Variants in NBR1 observed in about 807,000 individuals in gnomAD.
NBR1 encodes NBR1 autophagy cargo receptor, also known as next to BRCA1 gene 1 protein.
In NBR1, 59 loss-of-function variants were observed where a neutral mutation model predicts 115.5. The ratio of observed to expected loss-of-function variants is 0.51; its 90% CI spans 0.41 to 0.63. NBR1 has a LOEUF of 0.63. Ranked by LOEUF, NBR1 falls within the 30% of genes least tolerant of loss-of-function variation. The pLI, the probability that NBR1 is intolerant of heterozygous loss-of-function variation, is 0.00. For missense variants in NBR1, 1,043 were observed against 1,150.5 expected (o/e 0.91, Z 1.35); for synonymous variants, 373 against 414.7 (o/e 0.90, Z 1.22).
intron 5 of NBR1, among the ~76,000 whole-genome samples, chr17:43,184,850 G>A (rs1186242373): frequency 6.6e-6 from 1 of 151,910 alleles, no homozygotes; most frequent in Non-Finnish European, 1.5e-5. Flanking sequence ...CCAGCACTTT[G>A]GGAGGCTGAG....
At chr17:43,189,187 A>C in intron 7 of NBR1, 68 bp downstream of exon 7, 1 of 1,174,482 alleles carries the variant, frequency 8.5e-7, no homozygotes, top group East Asian at 2.3e-5. Context: ...AAGAAATAGA[A>C]AACTGAACCC....
chr17:43,184,962 G>A lies in NBR1; in HGVS notation c.208-1288G>A, dbSNP rs145729603. 6.0e-4 allele frequency among the ~76,000 whole-genome samples: 91 copies of A among 151,756 alleles called. 1 individual carries two copies. The highest frequency in any genetic ancestry group is 2.1e-3 in the African/African-American group (85 of 41,410). ...AAATTAGCTGGGTGTGGTGGCGTGC[G>A]CCTATAGTCCCAGCTACTCGGGAGG... On this transcript the variant is annotated intron_variant, in intron 5 of 20. Coordinates refer to ENST00000590996, the MANE Select transcript of NBR1 (RefSeq NM_005899.5).
upstream of NBR1, chr17:43,170,745 G>C (rs927526290): frequency 6.6e-6 from 1 of 152,234 alleles, no homozygotes; most frequent in African/African-American, 2.4e-5. Flanking sequence ...ATACCAAAGC[G>C]GGCACAATTC....
chr17:43,188,621 T>G (rs988248765), intron 6 of NBR1, among the ~76,000 whole-genome samples: 2 of 152,208 alleles, frequency 1.3e-5, no homozygotes, highest in Non-Finnish European at 2.9e-5. Flanking sequence ...TAATCCACCT[T>G]GAGTTAATTT....
chr17:43,210,774 A>C lies in NBR1; in HGVS notation c.*700A>C, dbSNP rs2057403190. On this transcript the variant is annotated 3_prime_UTR_variant, in exon 21 of 21. Transcript: ENST00000590996. ...CCTATTGAGCAATGTCTATTATAGT[A>C]ATTTTGCATACATTTTTATTTAAGG... 1 of 398,408 alleles carries C rather than the reference A, an allele frequency of 2.5e-6. No individual in the cohort carries two copies. The highest frequency in any genetic ancestry group is 4.4e-6 in the Non-Finnish European group (1 of 226,034). 24.7% of individuals were successfully genotyped at this position (398,408 alleles called of 1,614,324 possible).
rs1229026809 is a variant in NBR1 at position 43,186,245 on chromosome 17, C to T, written c.208-5C>T. 3 of 1,562,232 alleles carry T rather than the reference C, an allele frequency of 1.9e-6. No homozygotes were observed. The highest frequency in any genetic ancestry group is 2.6e-6 in the Non-Finnish European group (3 of 1,154,124). ...ATGTTTTTGTTTCATAATGTATGCTCTTAGATGGCAGTTAAACAGGGAAAC... is the reference window on the plus strand; with the variant it reads ...ATGTTTTTGTTTCATAATGTATGCTTTTAGATGGCAGTTAAACAGGGAAAC... On this transcript the variant is annotated splice_polypyrimidine_tract_variant and splice_region_variant and intron_variant, in intron 5 of 20. Coordinates refer to ENST00000590996, the MANE Select transcript of NBR1 (RefSeq NM_005899.5).
chr17:43,184,127 T>C (rs1295592651), intron 5 of NBR1, among the ~76,000 whole-genome samples: 1 of 152,070 alleles, frequency 6.6e-6, no homozygotes, highest in East Asian at 1.9e-4. Flanking sequence ...AGTGGTGTGA[T>C]TGCAGCCTTG....
At chr17:43,193,788 G>A in intron 12 of NBR1, 150 bp downstream of exon 12, 1 of 842,826 alleles carries the variant, frequency 1.2e-6, no homozygotes, top group Non-Finnish European at 1.8e-6. Flanking sequence ...TCTCTATGCT[G>A]ATATTTGGCC....
intron 20 of NBR1, among the ~76,000 whole-genome samples, chr17:43,209,012 A>G (rs2057367639): frequency 6.6e-6 from 1 of 152,064 alleles, no homozygotes; most frequent in African/African-American, 2.4e-5. Context: ...GCGTTTAAGG[A>G]TTTAGGAAGG....
chr17:43,201,569 A>G (rs2057197726), intron 17 of NBR1, 117 bp from the exon 18 acceptor site: 1 of 662,598 alleles, frequency 1.5e-6, no homozygotes, highest in Non-Finnish European at 2.7e-6. Context: ...TGTGATCTGG[A>G]TCAGAAATGT....
Position 43,203,785 on chromosome 17 carries a change from A to C in NBR1, c.2726A>C (p.Gln909Pro). The C allele has an allele frequency of 6.4e-7, 1 of 1,572,712 alleles. No homozygotes were observed. Among genetic ancestry groups the C allele is most frequent in the Non-Finnish European group, 8.7e-7 (1 of 1,153,230 alleles). The change falls in exon 20 of 21, where the codon CAG (glutamine) becomes CCG (proline). Residue 909 changes from glutamine (Q) to proline (P), a missense_variant and splice_region_variant. Transcript: ENST00000590996. ...TTTGCTGGGCCACCAGTCACTGCAC[A>C]GGTCAGTGTGTGTGTTTTATTTTCC... Reference protein sequence around the residue: ...ALFAGPPVTAQPIISEDQTAA... With the variant: ...ALFAGPPVTAPPIISEDQTAA...
At chr17:43,197,871 G>T (rs1322870731) in intron 16 of NBR1, among the ~76,000 whole-genome samples, 1 of 152,176 alleles carries the variant, frequency 6.6e-6, no homozygotes, top group Non-Finnish European at 1.5e-5. Context: ...ACCTTTATAG[G>T]CCGGGCACAG....
intron 1 of NBR1, among the ~76,000 whole-genome samples, chr17:43,173,453 A>G (rs574376536): frequency 1.3e-5 from 2 of 152,036 alleles, no homozygotes. Context: ...ACACGCAGCT[A>G]ATTTTTGTAT....
At position 43,210,193 on chromosome 17, in the gene NBR1, C is replaced by A; in HGVS notation, c.*119C>A. The A allele has an allele frequency of 2.2e-6, 2 of 888,954 alleles. No homozygotes were observed. Among genetic ancestry groups the A allele is most frequent in the Non-Finnish European group, 3.1e-6 (2 of 638,016 alleles). 55.1% of individuals were successfully genotyped at this position (888,954 alleles called of 1,614,324 possible). A position where few individuals can be genotyped will look rare whatever the true frequency, so the allele number is the denominator to read the frequency against. On this transcript the variant is annotated 3_prime_UTR_variant, in exon 21 of 21. Transcript: ENST00000590996. The stretch of plus-strand genomic sequence containing the variant: ...TCTGATGAATCTGTATAGAGCCCAT[C>A]GTTGAGTTACCAAGACAATACCTGC...
Position 43,200,293 on chromosome 17 carries a change from A to G in NBR1, c.2153A>G (p.Lys718Arg), listed in dbSNP as rs1390385071. ...GATGAGGAGGAGGAGGATGAGCTCA[A>G]AGATGAAGTTCAAAGTCAGTCCTCT... The part of the protein sequence containing the change: ...EEDEEEEDEL[K>R]DEVQSQSSAS... Residue 718 changes from lysine (K) to arginine (R), a missense_variant, in exon 17 of 21, where the codon AAA becomes AGA. Physicochemically the swap from Lys to Arg is conservative, Grantham distance 26. Transcript: ENST00000590996. The G allele has an allele frequency of 6.4e-7, 1 of 1,551,950 alleles. No homozygotes were observed. Among genetic ancestry groups the G allele is most frequent in the Non-Finnish European group, 8.7e-7 (1 of 1,147,092 alleles).
intron 2 of NBR1, among the ~76,000 whole-genome samples, chr17:43,177,298 CG>C (rs201454531): frequency 7.2e-6 from 1 of 138,334 alleles, no homozygotes; most frequent in Admixed American, 7.3e-5. Context: ...AGATATTTTT[CG>C]TTTTTTTTTT....
chr17:43,185,356 G>A (rs549955197), intron 5 of NBR1, among the ~76,000 whole-genome samples: 4 of 152,276 alleles, frequency 2.6e-5, no homozygotes, highest in South Asian at 4.1e-4. Context: ...GGCGGAGCCC[G>A]GGAGTTCGAG....
chr17:43,183,795 G>A (rs973369856), intron 5 of NBR1, among the ~76,000 whole-genome samples: 3 of 151,904 alleles, frequency 2.0e-5, no homozygotes, highest in Non-Finnish European at 4.4e-5. Flanking sequence ...TAATAGCTGG[G>A]ATTACAGGCA....
chr17:43,173,236 G>C (rs2056421326), intron 1 of NBR1, among the ~76,000 whole-genome samples: 2 of 152,098 alleles, frequency 1.3e-5, no homozygotes, highest in South Asian at 4.1e-4. Flanking sequence ...TTCCGCCTCA[G>C]CCTCCCAAAG....
Sources: allele counts gnomAD v4.1 joint callset (sites outside exome capture counted in the v4.1 genomes callset), GRCh38; gene constraint gnomAD v4.1.1; transcripts MANE v1.5; gene names NCBI Gene and HGNC (gene_info 2026-07-23, HGNC 2026-07-21).